The following TTC29 variants were observed in gnomAD, a reference collection of about 807,000 sequenced individuals.
TTC29 encodes tetratricopeptide repeat protein 29.
In TTC29, 49 loss-of-function variants were observed where a neutral mutation model predicts 58.1. The observed-to-expected ratio is 0.84, with a 90% CI of 0.67 to 1.07. TTC29 has a LOEUF of 1.07. Among genes scored for constraint, TTC29 ranks in the 50% least tolerant of loss-of-function variants. TTC29 has a pLI of 0.00. For synonymous variants in TTC29, 209 were observed against 196.8 expected, an observed-to-expected ratio of 1.06 and a Z score of -0.52; for missense variants, 582 against 555.6, an observed-to-expected ratio of 1.05 and a Z score of -0.48.
At chr4:146,780,092 C>T (rs1748470962) in intron 11 of TTC29, among the ~76,000 whole-genome samples, 2 of 152,168 alleles carry the variant, frequency 1.3e-5, no homozygotes, top group South Asian at 4.1e-4. Flanking sequence ...AATATTTTTA[C>T]CTTTCTTTGA....
chr4:146,812,610 A>G (rs1229050946), intron 10 of TTC29: 2 of 152,186 alleles, frequency 1.3e-5, no homozygotes, highest in Non-Finnish European at 2.9e-5. Context: ...TATTCCCTCA[A>G]ATTGTACTTA....
At chr4:146,875,263 T>C (rs1263347607) in intron 6 of TTC29, among the ~76,000 whole-genome samples, 2 of 152,224 alleles carry the variant, frequency 1.3e-5, no homozygotes, top group Admixed American at 1.3e-4. Context: ...ATGTATGCCA[T>C]GCACTCTGCT....
chr4:146,749,232 G>A (rs1745783765), intron 11 of TTC29, among the ~76,000 whole-genome samples: 1 of 151,876 alleles, frequency 6.6e-6, no homozygotes, highest in Non-Finnish European at 1.5e-5. Flanking sequence ...GATCGCCTGA[G>A]CCCATGAGTT....
At position 146,803,655 on chromosome 4, in the gene TTC29, G is replaced by T; in HGVS notation, c.1132C>A (p.Gln378Lys). 6.3e-7 allele frequency: 1 copy of T among 1,597,540 alleles called. No individual in the cohort carries two copies. The highest frequency in any genetic ancestry group is 1.1e-5 in the South Asian group (1 of 89,280). The change falls in exon 11 of 13, where the codon CAG (glutamine) becomes AAG (lysine). Residue 378 changes from glutamine (Q) to lysine (K), a missense_variant. Physicochemically the swap from Gln to Lys is moderately conservative, Grantham distance 53. Coordinates refer to ENST00000325106, the MANE Select transcript of TTC29 (RefSeq NM_031956.4). The part of the protein sequence containing the change: ...GYYNKASECF[Q>K]QAFDTTVELM... ...TCTACTGTTGTGTCAAAAGCTTGCT[G>T]AAAGCATTCAGAAGCTTTGTTGTAG...
chr4:146,829,187 T>G (rs1262995174), intron 9 of TTC29, among the ~76,000 whole-genome samples: 1 of 152,208 alleles, frequency 6.6e-6, no homozygotes, highest in Non-Finnish European at 1.5e-5. Flanking sequence ...AGAATGAGAA[T>G]GAAACAGTGC....
At chr4:146,901,682 A>G (rs1425478882) in intron 6 of TTC29, among the ~76,000 whole-genome samples, 1 of 152,064 alleles carries the variant, frequency 6.6e-6, no homozygotes, top group Non-Finnish European at 1.5e-5. Flanking sequence ...CTTTCTTCGG[A>G]TTTTCACAAG....
intron 6 of TTC29, among the ~76,000 whole-genome samples, chr4:146,894,373 C>T (rs1186860969): frequency 6.6e-6 from 1 of 151,874 alleles, no homozygotes; most frequent in Non-Finnish European, 1.5e-5. Flanking sequence ...AGTTCATGTC[C>T]TTTGTAGGGA....
intron 11 of TTC29, among the ~76,000 whole-genome samples, chr4:146,740,498 A>G (rs139988312): frequency 6.6e-6 from 1 of 152,184 alleles, no homozygotes; most frequent in African/African-American, 2.4e-5. Context: ...TTAGTTACAT[A>G]TGTATACATG....
chr4:146,799,084 G>A (rs1288605848), intron 11 of TTC29, among the ~76,000 whole-genome samples: 1 of 152,020 alleles, frequency 6.6e-6, no homozygotes, highest in East Asian at 1.9e-4. Context: ...TATGATGTTA[G>A]AGCTCAGATC....
intron 4 of TTC29, among the ~76,000 whole-genome samples, chr4:146,931,353 GC>G (rs1159993830): frequency 6.6e-6 from 1 of 152,134 alleles, no homozygotes; most frequent in Non-Finnish European, 1.5e-5. Context: ...TTAAGTTAAT[GC>G]AAAATATTTA....
intron 11 of TTC29, among the ~76,000 whole-genome samples, chr4:146,756,124 A>G (rs973828302): frequency 3.9e-5 from 6 of 152,064 alleles, no homozygotes; most frequent in Admixed American, 3.9e-4. Flanking sequence ...AATACAAAAA[A>G]TTAGCCAGGC....
chr4:146,883,811 G>A (rs529234676), intron 6 of TTC29, among the ~76,000 whole-genome samples: 124 of 151,912 alleles, frequency 8.2e-4, no homozygotes, highest in Admixed American at 1.2e-3. Context: ...CCCTGAAAAA[G>A]ACAGGTAAAA....
At chr4:146,728,824 T>TAC (rs1744056337) in intron 11 of TTC29, among the ~76,000 whole-genome samples, 1 of 114,898 alleles carries the variant, frequency 8.7e-6, no homozygotes, top group African/African-American at 3.1e-5. Context: ...TGTGTATATA[T>TAC]ACATATATAT....
At chr4:146,904,881 G>A (rs1039536809) in intron 5 of TTC29, among the ~76,000 whole-genome samples, 1 of 152,122 alleles carries the variant, frequency 6.6e-6, no homozygotes, top group Non-Finnish European at 1.5e-5. Context: ...CTGCAGAACC[G>A]TAAGTAAGTC....
At chr4:146,833,249 C>G (rs1728284383) in intron 9 of TTC29, among the ~76,000 whole-genome samples, 1 of 152,138 alleles carries the variant, frequency 6.6e-6, no homozygotes, top group South Asian at 2.1e-4. Context: ...AAGACAATGA[C>G]TGAAGGGTGA....
chr4:146,786,998 G>T (rs1749073956), intron 11 of TTC29, among the ~76,000 whole-genome samples: 1 of 152,106 alleles, frequency 6.6e-6, no homozygotes, highest in Non-Finnish European at 1.5e-5. Context: ...GTATGCACCT[G>T]CAGTCTTAGC....
intron 11 of TTC29, among the ~76,000 whole-genome samples, chr4:146,741,071 T>C (rs957120444): frequency 1.3e-5 from 2 of 152,188 alleles, no homozygotes; most frequent in Non-Finnish European, 2.9e-5. Context: ...GAATTGATCT[T>C]TCTGGCCTGG....
intron 11 of TTC29, among the ~76,000 whole-genome samples, chr4:146,780,451 G>A (rs1458875287): frequency 2.0e-5 from 3 of 151,600 alleles, no homozygotes; most frequent in Non-Finnish European, 2.9e-5. Flanking sequence ...CATATTCCAG[G>A]GCACTATCTT....
chr4:146,855,872 T>C (rs1158552436), intron 8 of TTC29, among the ~76,000 whole-genome samples: 3 of 152,238 alleles, frequency 2.0e-5, no homozygotes, highest in African/African-American at 7.2e-5. Flanking sequence ...CACTTATTCC[T>C]GTTTAACACA....
Sources: allele counts gnomAD v4.1 joint callset (sites outside exome capture counted in the v4.1 genomes callset), GRCh38; gene constraint gnomAD v4.1.1; transcripts MANE v1.5; gene names NCBI Gene and HGNC (gene_info 2026-07-23, HGNC 2026-07-21).